PHF11: variants seen among roughly 807,000 people sequenced by gnomAD.
PHF11 encodes the protein BRCA1 C-terminus-associated protein.
A neutral mutation model predicts 40.5 loss-of-function variants in PHF11; 38 were observed. The ratio of observed to expected loss-of-function variants is 0.94; its 90% CI spans 0.72 to 1.23. PHF11 has a LOEUF of 1.23. Among genes scored for constraint, PHF11 ranks in the 50% most tolerant of loss-of-function variants. The pLI, the probability that PHF11 is intolerant of heterozygous loss-of-function variation, is 0.00. For missense variants in PHF11, 369 were observed against 392.4 expected, an observed-to-expected ratio of 0.94 and a Z score of 0.50; for synonymous variants, 127 against 138.2, an observed-to-expected ratio of 0.92 and a Z score of 0.57.
At chr13:49,503,303 C>T (rs948503535) in intron 1 of PHF11, among the ~76,000 whole-genome samples, 2 of 152,214 alleles carry the variant, frequency 1.3e-5, no homozygotes, top group Non-Finnish European at 2.9e-5. Flanking sequence ...GACAATACTC[C>T]TTCCCACGAG....
chr13:49,524,661 A>G (rs987873687), intron 8 of PHF11, among the ~76,000 whole-genome samples: 1 of 152,044 alleles, frequency 6.6e-6, no homozygotes, highest in South Asian at 2.1e-4. Flanking sequence ...TTTTTAGTAG[A>G]GACAAGGTTT....
chr13:49,526,467 G>T lies in PHF11; in HGVS notation c.841+9G>T, dbSNP rs751575033. 1 of 1,473,200 alleles carries T rather than the reference G, an allele frequency of 6.8e-7. No individual in the cohort carries two copies. Among genetic ancestry groups the T allele is most frequent in the Non-Finnish European group, 9.5e-7 (1 of 1,052,148 alleles). The allele number at this position is 1,473,200 out of a possible 1,614,324, so 91.3% of individuals were successfully genotyped here. A position where few individuals can be genotyped will look rare whatever the true frequency, so the allele number is the denominator to read the frequency against. On this transcript the variant is annotated intron_variant, in intron 9 of 9. Transcript: ENST00000378319. The stretch of plus-strand genomic sequence containing the variant: ...TGTAAATTTTCAAGCAGGTATATGA[G>T]TTATATAACATCTGAGCAGCATAGT...
At chr13:49,499,900 A>C (rs182326560) in intron 1 of PHF11, among the ~76,000 whole-genome samples, 6 of 152,262 alleles carry the variant, frequency 3.9e-5, no homozygotes, top group African/African-American at 1.2e-4. Context: ...TGTTTCACCC[A>C]TTTCTTTAGT....
chr13:49,522,174 A>G lies in PHF11; in HGVS notation c.570+67A>G, dbSNP rs75926119. The G allele has an allele frequency of 4.9e-4, 380 of 777,920 alleles. 2 individuals are homozygous for G. In the African/African-American group the frequency reaches 6.0e-3, roughly 12 times the overall value. The allele number at this position is 777,920 out of a possible 1,614,324, so 48.2% of individuals were successfully genotyped here. On this transcript the variant is annotated intron_variant, in intron 6 of 9. Transcript: ENST00000378319. ...AGAGTCCTTATTTAAACCAGTCTGA[A>G]TGTCAGGTGAAAGGTACTTTCCAAA...
rs1259928227 is a variant in PHF11 at position 49,522,783 on chromosome 13, G to A, written c.571-392G>A. Among the ~76,000 whole-genome samples, 5 of 60,914 alleles carry A rather than the reference G, an allele frequency of 8.2e-5. No homozygotes were observed. The Admixed American group carries it at 8.8e-4, about 11-fold the overall frequency. The allele number at this position is 60,914 out of a possible 152,430, so 40.0% of individuals were successfully genotyped here. ...GGTTTTTTTGTTTTTTTTTTTTTTT[G>A]AGACAGAGTCTCTCTCTGTCACCCA... is the stretch of plus-strand genomic sequence containing the variant. On this transcript the variant is annotated intron_variant, in intron 6 of 9. Transcript: ENST00000378319.
chr13:49,509,768 C>T lies in PHF11; in HGVS notation c.216+3012C>T, dbSNP rs531023912. On this transcript the variant is annotated intron_variant, in intron 2 of 9. Transcript: ENST00000378319. Reference sequence around the variant, plus strand: ...CCATGTAAAACATGACTTTGCTCCCCCTTACCTTCTTCCGTGATTGTGAGG... The same window carrying T: ...CCATGTAAAACATGACTTTGCTCCCTCTTACCTTCTTCCGTGATTGTGAGG... 2.0e-5 allele frequency among the ~76,000 whole-genome samples: 3 copies of T among 152,250 alleles called. No homozygotes were observed. The South Asian group carries it at 6.2e-4, about 32-fold the overall frequency.
rs1395577242 is a variant in PHF11 at position 49,513,120 on chromosome 13, TTGA to T, written c.281_283del (p.Asp94del). On this transcript the variant is annotated inframe_deletion, in exon 3 of 10. Transcript: ENST00000378319. Reference sequence around the variant, plus strand: ...GATCCACTTAATCCTGATAGAAGTTTTGATGTGGAATCAGTAAAGAAAGAAATC... The same window carrying T: ...GATCCACTTAATCCTGATAGAAGTTTTGTGGAATCAGTAAAGAAAGAAATC... 1 of 1,600,002 alleles carries T rather than the reference TTGA, an allele frequency of 6.2e-7. No homozygotes were observed. Among genetic ancestry groups the T allele is most frequent in the African/African-American group, 1.3e-5 (1 of 74,744 alleles).
At position 49,496,239 on chromosome 13, in the gene PHF11, T is replaced by C. The variant is rs533298439; in HGVS notation, c.94+144T>C. ...GGGGCCCTAGACGCCGGGGCGGCGCTGGACGAACTTGGCTCACCACTCGCG... is the reference window on the plus strand; with the variant it reads ...GGGGCCCTAGACGCCGGGGCGGCGCCGGACGAACTTGGCTCACCACTCGCG... On this transcript the variant is annotated intron_variant, in intron 1 of 9. Coordinates refer to ENST00000378319, the MANE Select transcript of PHF11 (RefSeq NM_001040443.3). The C allele has an allele frequency of 2.3e-5, 15 of 640,260 alleles. No homozygotes were observed. In the East Asian group the frequency reaches 5.6e-4, roughly 24 times the overall value. 39.7% of individuals were successfully genotyped at this position (640,260 alleles called of 1,614,324 possible). A position where few individuals can be genotyped will look rare whatever the true frequency, so the allele number is the denominator to read the frequency against.
chr13:49,521,541 C>T (rs1442658650), intron 5 of PHF11: 1 of 950,512 alleles, frequency 1.1e-6, no homozygotes, highest in Non-Finnish European at 1.3e-6. Context: ...AATCATTTTT[C>T]AGTCGTTACC....
intron 2 of PHF11, among the ~76,000 whole-genome samples, chr13:49,508,553 T>C (rs2139045321): frequency 6.6e-6 from 1 of 151,486 alleles, no homozygotes; most frequent in South Asian, 2.1e-4. Context: ...TTTGTTTTGT[T>C]TTGTTACTTT....
At chr13:49,501,925 A>G (rs978229448) in intron 1 of PHF11, among the ~76,000 whole-genome samples, 1 of 152,002 alleles carries the variant, frequency 6.6e-6, no homozygotes, top group African/African-American at 2.4e-5. Context: ...TCCTGACCTC[A>G]GGTGATCCAC....
In PHF11 at chr13:49,506,756, G is replaced by A; in HGVS notation, c.216G>A (p.Leu72=). 1.9e-6 allele frequency: 3 copies of A among 1,604,810 alleles called. No homozygotes were observed. The highest frequency in any genetic ancestry group is 2.6e-6 in the Non-Finnish European group (3 of 1,173,510). The part of the protein sequence containing the change: ...SENIAAHENC[L]LYSSGLVECE... ...ATATAGCTGCTCATGAGAATTGTTT[G>A]GTAAGTTACTTGAAAACATACTTCA... The change falls in exon 2 of 10, where the codon TTG becomes TTA. Residue 72 remains leucine, a splice_region_variant and synonymous_variant. Transcript: ENST00000378319.
chr13:49,508,374 A>G (rs2139044984), intron 2 of PHF11, among the ~76,000 whole-genome samples: 1 of 147,292 alleles, frequency 6.8e-6, no homozygotes, highest in South Asian at 2.1e-4. Flanking sequence ...ATAATATATT[A>G]CTATATTATA....
chr13:49,521,423 T>C, intron 5 of PHF11: 1 of 986,264 alleles, frequency 1.0e-6, no homozygotes, highest in Non-Finnish European at 1.2e-6. Flanking sequence ...CAGCACTACA[T>C]CTGCAATGTT....
rs779711936 is a variant in PHF11, at chr13:49,506,719, C to A, written c.179C>A (p.Ala60Glu). 1.2e-6 allele frequency: 2 copies of A among 1,607,822 alleles called. No individual in the cohort carries two copies. The highest frequency in any genetic ancestry group is 1.7e-6 in the Non-Finnish European group (2 of 1,174,810). ...KDVEYNVLYF[A>E]QSENIAAHEN... ...GTCGAATATAATGTCCTATACTTTG[C>A]ACAATCAGAGAATATAGCTGCTCAT... The change falls in exon 2 of 10, where the codon GCA (alanine) becomes GAA (glutamate). Residue 60 changes from alanine to glutamate, a missense_variant. Ala to Glu is a moderately radical substitution (Grantham distance 107). Coordinates refer to ENST00000378319, the MANE Select transcript of PHF11 (RefSeq NM_001040443.3).
intron 5 of PHF11, 50 bp from the exon 6 acceptor site, chr13:49,521,993 G>T: frequency 1.1e-6 from 1 of 908,588 alleles, no homozygotes; most frequent in African/African-American, 1.7e-5. Context: ...TAGTCAAACA[G>T]TAATCTTTTC....
chr13:49,519,670 G>A (rs1020619558), intron 4 of PHF11, among the ~76,000 whole-genome samples: 2 of 101,990 alleles, frequency 2.0e-5, no homozygotes, highest in Admixed American at 1.1e-4. Context: ...GAGCAGGAGG[G>A]GTTACATGAA....
rs1286309543 is a variant in PHF11, at chr13:49,496,068, G to A, written c.67G>A (p.Ala23Thr). The change falls in exon 1 of 10, where the codon GCG (alanine) becomes ACG (threonine). Residue 23 changes from alanine to threonine, a missense_variant. Transcript: ENST00000378319. ...LGASSPEARPAQEALLLPTGV... is the reference protein window; with the variant it reads ...LGASSPEARPTQEALLLPTGV... ...CGCCAGCAGCCCGGAGGCCCGGCCC[G>A]CGCAGGAGGCGCTCCTCCTTCCCAC... is the stretch of plus-strand genomic sequence containing the variant. 1.4e-6 allele frequency: 2 copies of A among 1,441,332 alleles called. No homozygotes were observed. Among genetic ancestry groups the A allele is most frequent in the Non-Finnish European group, 9.0e-7 (1 of 1,104,990 alleles). 89.3% of individuals were successfully genotyped at this position (1,441,332 alleles called of 1,614,324 possible). A position where few individuals can be genotyped will look rare whatever the true frequency, so the allele number is the denominator to read the frequency against.
intron 1 of PHF11, chr13:49,496,538 T>TGA: frequency 1.3e-6 from 1 of 749,130 alleles, no homozygotes; most frequent in Non-Finnish European, 1.6e-6. Flanking sequence ...ACGGAGGACG[T>TGA]GACTGGAACC....
Sources: allele counts gnomAD v4.1 joint callset (sites outside exome capture counted in the v4.1 genomes callset), GRCh38; gene constraint gnomAD v4.1.1; transcripts MANE v1.5; gene names NCBI Gene and HGNC (gene_info 2026-07-23, HGNC 2026-07-21).